The following PLXNB2 variants were observed in gnomAD, a reference collection of about 807,000 sequenced individuals.
The protein encoded by PLXNB2 is plexin B2.
PLXNB2 carries 85 observed loss-of-function variants against 202.6 expected under a neutral mutation model. That is an observed-to-expected ratio of 0.42 (90% CI 0.35 to 0.50). PLXNB2 has a LOEUF of 0.50. Ranked by LOEUF, PLXNB2 falls within the 20% of genes least tolerant of loss-of-function variation. The pLI is 0.02. For missense variants in PLXNB2, 2,063 were observed against 2,586.2 expected (o/e 0.80, Z 4.39); for synonymous variants, 1,239 against 1,137.6 (o/e 1.09, Z -1.79).
intron 35 of PLXNB2, among the ~76,000 whole-genome samples, 200 bp downstream of exon 35, chr22:50,276,429 C>CGTGGG (rs1158624725): frequency 9.3e-4 from 41 of 44,308 alleles, no homozygotes; most frequent in East Asian, 1.3e-3. Flanking sequence ...TGGGCAGGGC[C>CGTGGG]TGGCTCCAAG....
intron 25 of PLXNB2, 88 bp downstream of exon 25, chr22:50,280,401 A>G: frequency 7.6e-7 from 1 of 1,311,340 alleles, no homozygotes; most frequent in Admixed American, 2.7e-5. Flanking sequence ...CTGGGGGCCC[A>G]ACAGGCCGCT....
In PLXNB2 at chr22:50,291,747, G is replaced by A. The variant is rs2066883946; in HGVS notation, c.-13-1150C>T. Among the ~76,000 whole-genome samples the A allele has an allele frequency of 6.6e-6, 1 of 152,046 alleles. No homozygotes were observed. The highest frequency in any genetic ancestry group is 2.4e-5 in the African/African-American group (1 of 41,390). On this transcript the variant is annotated intron_variant, in intron 2 of 36. Coordinates refer to ENST00000359337, the MANE Select transcript of PLXNB2 (RefSeq NM_012401.4). The surrounding 1 kb of genome is among the most constrained non-coding windows in gnomAD (Gnocchi z 4.3). Reference sequence around the variant, plus strand: ...CCCTACATCAGCCTCCCCTGCCAGTGCCCCCTCCTCATGCTCACAACCACC... The same window carrying A: ...CCCTACATCAGCCTCCCCTGCCAGTACCCCCTCCTCATGCTCACAACCACC...
Position 50,280,569 on chromosome 22 carries a change from G to A in PLXNB2, c.4095C>T (p.Tyr1365=). The change falls in exon 25 of 37, where the codon TAC becomes TAT. Residue 1365 remains tyrosine (Y), a synonymous_variant. Coordinates refer to ENST00000359337, the MANE Select transcript of PLXNB2 (RefSeq NM_012401.4). ...TVALHGKLEY[Y]TDIMHTLFLE... ...GGAAGAGCGTGTGCATGATGTCCGTGTAGTACTCCAGTTTCCCGTGCAGCG... is the reference window on the plus strand; with the variant it reads ...GGAAGAGCGTGTGCATGATGTCCGTATAGTACTCCAGTTTCCCGTGCAGCG... The A allele has an allele frequency of 1.2e-6, 2 of 1,612,380 alleles. No homozygotes were observed. The highest frequency in any genetic ancestry group is 1.7e-6 in the Non-Finnish European group (2 of 1,179,854).
At position 50,288,705 on chromosome 22, in the gene PLXNB2, T is replaced by C; in HGVS notation, c.1380+38A>G. ...CCTGGGATGCAATGACCGGGCACAC[T>C]TGGCCTAGAGTGCTCTCCGGGGCTG... On this transcript the variant is annotated intron_variant, in intron 5 of 36. Transcript: ENST00000359337. This position sits in a 1 kb window ranked among gnomAD's most constrained non-coding sequence, Gnocchi z 5.0. 6.2e-7 allele frequency: 1 copy of C among 1,609,166 alleles called. No homozygotes were observed. The highest frequency in any genetic ancestry group is 1.8e-4 in the Middle Eastern group (1 of 5,452).
rs746118447 is a variant in PLXNB2, at chr22:50,287,672, C to T, written c.1603G>A (p.Gly535Arg). 266 of 1,541,822 alleles carry T rather than the reference C, an allele frequency of 1.7e-4. No individual in the cohort carries two copies. Among genetic ancestry groups the T allele is most frequent in the Admixed American group, 5.8e-4 (30 of 51,494 alleles). Residue 535 changes from glycine to arginine, a missense_variant, in exon 7 of 37, where the codon GGG becomes AGG. This residue lies in a region of PLXNB2 where 1,303 missense variants were observed against 1,476.8 expected (regional missense o/e 0.88). Transcript: ENST00000359337. ...ACCCCAGACCCACCACGCACCTCCC[C>T]CTGGGCCCGCCGGCTCATGTTCTGT... The part of the protein sequence containing the change: ...QPQNMSRRAQ[G>R]EVQLTVSPLP...
In PLXNB2 at chr22:50,279,110, G is replaced by A. The variant is rs551011193; in HGVS notation, c.4390-99C>T. 59 of 1,289,038 alleles carry A rather than the reference G, an allele frequency of 4.6e-5. No individual in the cohort carries two copies. The East Asian group carries it at 7.6e-4, about 17-fold the overall frequency. 79.9% of individuals were successfully genotyped at this position (1,289,038 alleles called of 1,614,324 possible). ...CCCCGCCAGCTTTGCCCACCACAGC[G>A]GCACCCTTGGGCAGCAGGCCCCCGC... On this transcript the variant is annotated intron_variant, in intron 27 of 36. Coordinates refer to ENST00000359337, the MANE Select transcript of PLXNB2 (RefSeq NM_012401.4).
chr22:50,298,559 A>T (rs756070282), intron 1 of PLXNB2, among the ~76,000 whole-genome samples: 69 of 152,332 alleles, frequency 4.5e-4, no homozygotes, highest in Middle Eastern at 3.4e-3. Context: ...GACCGCCCCA[A>T]GTCTTGGCTG....
At position 50,284,692 on chromosome 22, in the gene PLXNB2, G is replaced by C. The variant is rs1328835706; in HGVS notation, c.2089-27C>G. The C allele has an allele frequency of 6.3e-7, 1 of 1,578,586 alleles. No homozygotes were observed. The highest frequency in any genetic ancestry group is 1.3e-5 in the African/African-American group (1 of 74,084). On this transcript the variant is annotated intron_variant, in intron 11 of 36. Transcript: ENST00000359337. The surrounding 1 kb of genome is among the most constrained non-coding windows in gnomAD (Gnocchi z 8.0). ...TGCAGACCATGCCGTCAGGACCCTG[G>C]ACAGGCGGCTGTGGCACCCTGGCCC... is the stretch of plus-strand genomic sequence containing the variant.
chr22:50,293,610 G>A (rs925609181), intron 2 of PLXNB2, among the ~76,000 whole-genome samples: 1 of 152,248 alleles, frequency 6.6e-6, no homozygotes, highest in Non-Finnish European at 1.5e-5. Context: ...TGCGCCCGCA[G>A]CTGGGAGGGG....
intron 33 of PLXNB2, 52 bp downstream of exon 33, chr22:50,277,539 C>T: frequency 1.3e-6 from 2 of 1,499,842 alleles, no homozygotes; most frequent in Non-Finnish European, 1.8e-6. Flanking sequence ...AAGATGCCTC[C>T]TGGGGACAGA....
In PLXNB2 at chr22:50,284,888, C is replaced by T. The variant is rs542604282; in HGVS notation, c.2089-223G>A. ...CTGAACGTCCTCTGTGGGTTTCCCA[C>T]GGCCACCTCCACCACTCATCCACAC... On this transcript the variant is annotated intron_variant, in intron 11 of 36. Coordinates refer to ENST00000359337, the MANE Select transcript of PLXNB2 (RefSeq NM_012401.4). This position sits in a 1 kb window ranked among gnomAD's most constrained non-coding sequence, Gnocchi z 8.0. 106 of 660,450 alleles carry T rather than the reference C, an allele frequency of 1.6e-4. No homozygotes were observed. Among genetic ancestry groups the T allele is most frequent in the Middle Eastern group, 9.8e-4 (4 of 4,080 alleles). 40.9% of individuals were successfully genotyped at this position (660,450 alleles called of 1,614,324 possible).
At chr22:50,295,157 A>G (rs2067166363) in intron 1 of PLXNB2, among the ~76,000 whole-genome samples, 1 of 152,068 alleles carries the variant, frequency 6.6e-6, no homozygotes, top group East Asian at 1.9e-4. Flanking sequence ...CGTCTCTACT[A>G]AAAATACAAA....
chr22:50,280,011 G>A lies in PLXNB2; in HGVS notation c.4236C>T (p.Tyr1412=), dbSNP rs767701910. 9.6e-5 allele frequency: 154 copies of A among 1,606,718 alleles called. No homozygotes were observed. The highest frequency in any genetic ancestry group is 1.3e-4 in the Non-Finnish European group (150 of 1,176,488). ...AGGCTGGGGTGGAACCCACCTTGAG[G>A]TACTGGTACAGGCAGATGGACATCC... The part of the protein sequence containing the change: ...SNWMSICLYQ[Y]LKDSAGEPLY... Residue 1412 remains tyrosine, a synonymous_variant, in exon 26 of 37, where the codon TAC becomes TAT. Transcript: ENST00000359337.
chr22:50,279,666 C>G lies in PLXNB2; in HGVS notation c.4353G>C (p.Thr1451=), dbSNP rs774938848. The change falls in exon 27 of 37, where the codon ACG becomes ACC. Residue 1451 remains threonine (T), a synonymous_variant. Coordinates refer to ENST00000359337, the MANE Select transcript of PLXNB2 (RefSeq NM_012401.4). ...ACTCCACATCATCCCCCAGCAGCCC[C>G]GTGTCGTTGAGAGTGTACTTGGCCT... ...QKKAKYTLND[T]GLLGDDVEYA... 6.8e-6 allele frequency: 11 copies of G among 1,613,988 alleles called. No homozygotes were observed. Among genetic ancestry groups the G allele is most frequent in the Non-Finnish European group, 9.3e-6 (11 of 1,179,988 alleles).
chr22:50,277,772 C>A, intron 32 of PLXNB2, 34 bp from the exon 33 acceptor site: 1 of 1,587,282 alleles, frequency 6.3e-7, no homozygotes, highest in Non-Finnish European at 8.6e-7. Context: ...AGAGCCGGGG[C>A]TGGGCCGCGG....
intron 2 of PLXNB2, among the ~76,000 whole-genome samples, chr22:50,293,659 T>TCGGATCTGGCCCGGAC (rs1184168312): frequency 1.5e-4 from 23 of 152,174 alleles, no homozygotes; most frequent in Non-Finnish European, 2.4e-4. Context: ...CACGGTCCCC[T>TCGGATCTGGCCCGGAC]CGGATCTGGC....
At chr22:50,292,224 G>A (rs1430630876) in intron 2 of PLXNB2, among the ~76,000 whole-genome samples, 2 of 151,510 alleles carry the variant, frequency 1.3e-5, no homozygotes, top group African/African-American at 4.9e-5. Context: ...TGTAGTCTCA[G>A]CTACTCCAGA....
At chr22:50,283,469 C>G in intron 15 of PLXNB2, 24 bp from the exon 16 acceptor site, 1 of 1,606,556 alleles carries the variant, frequency 6.2e-7, no homozygotes, top group Non-Finnish European at 8.5e-7. Context: ...GGCAGTGTGG[C>G]CCAGGCACTC....
In PLXNB2 at chr22:50,281,659, C is replaced by T. The variant is rs545203079; in HGVS notation, c.3429G>A (p.Thr1143=). 6.0e-5 allele frequency: 95 copies of T among 1,590,086 alleles called. No homozygotes were observed. In the South Asian group the frequency reaches 9.3e-4, roughly 16 times the overall value. Residue 1143 remains threonine (T), a synonymous_variant, in exon 21 of 37, where the codon ACG becomes ACA. Coordinates refer to ENST00000359337, the MANE Select transcript of PLXNB2 (RefSeq NM_012401.4). ...GAERCTMKTL[T]ETDLYCEPPE... ...GGGGCTCACAGTACAGGTCGGTCTCCGTCAGCGTCTTCATGGTGCAGCGCT... is the reference window on the plus strand; with the variant it reads ...GGGGCTCACAGTACAGGTCGGTCTCTGTCAGCGTCTTCATGGTGCAGCGCT...
Sources: gnomAD v4.1 joint callset for allele counts (sites outside exome capture counted in the v4.1 genomes callset) on GRCh38, gnomAD v4.1.1 for gene constraint, gnomAD v4.1.1 regional missense constraint, Gnocchi (gnomAD v3.1) non-coding constraint, MANE v1.5 for transcripts, NCBI Gene and HGNC (gene_info 2026-07-23, HGNC 2026-07-21) for gene names.